Variants in RABGAP1 observed in about 807,000 individuals in gnomAD.
RABGAP1 encodes rab GTPase-activating protein 1.
A neutral mutation model predicts 137.6 loss-of-function variants in RABGAP1; 23 were observed. That is an observed-to-expected ratio of 0.17 (90% CI 0.12 to 0.24). The LOEUF is 0.24. RABGAP1 is among the 10% of genes least tolerant of loss of function. The probability of loss-of-function intolerance (pLI) is 1.00; values close to 1 mark genes in which losing one functional copy is unlikely to be tolerated. For synonymous variants in RABGAP1, 451 were observed against 450.7 expected (o/e 1.00, Z -0.01); for missense variants, 906 against 1,275.8 (o/e 0.71, Z 4.42).
intron 13 of RABGAP1, chr9:123,029,727 CT>C (rs1306148774): frequency 1.6e-6 from 1 of 642,020 alleles, no homozygotes; most frequent in Non-Finnish European, 3.0e-6. Flanking sequence ...CAGTGTCTGT[CT>C]TCTTCTTGTA....
At chr9:123,065,523 A>G (rs779689756) in intron 14 of RABGAP1, 62 bp downstream of exon 14, 7 of 1,181,304 alleles carry the variant, frequency 5.9e-6, no homozygotes, top group East Asian at 2.3e-5. Flanking sequence ...TTGAAATTAC[A>G]TAAGAAACAA....
chr9:123,088,887 T>C (rs908458666), intron 19 of RABGAP1, among the ~76,000 whole-genome samples: 4 of 152,130 alleles, frequency 2.6e-5, no homozygotes, highest in African/African-American at 9.7e-5. Context: ...CAGGGAGTTT[T>C]GAAGTTTAGT....
chr9:123,035,282 C>T, intron 13 of RABGAP1: 1 of 1,614,156 alleles, frequency 6.2e-7, no homozygotes, highest in Non-Finnish European at 8.5e-7. Flanking sequence ...AGTGGGGAGA[C>T]TGGGGAAGTG....
At chr9:122,936,130 G>A (rs894774842), upstream of RABGAP1, among the ~76,000 whole-genome samples, 5 of 152,022 alleles carry the variant, frequency 3.3e-5, no homozygotes, top group African/African-American at 9.7e-5. Context: ...TTTCCTATCA[G>A]GAGTCTGATA....
At chr9:123,066,278 C>G (rs2034168637) in intron 14 of RABGAP1, among the ~76,000 whole-genome samples, 1 of 152,180 alleles carries the variant, frequency 6.6e-6, no homozygotes, top group Non-Finnish European at 1.5e-5. Flanking sequence ...TTCATTTTAA[C>G]TTTTACATAG....
At chr9:123,035,124 C>T (rs1237429130) in intron 13 of RABGAP1, 2 of 1,613,994 alleles carry the variant, frequency 1.2e-6, no homozygotes, top group Admixed American at 3.3e-5. Context: ...AGTCCTGGCA[C>T]ACCGACTCCT....
intron 1 of RABGAP1, among the ~76,000 whole-genome samples, chr9:122,956,463 A>T (rs2131620401): frequency 6.6e-6 from 1 of 152,302 alleles, no homozygotes; most frequent in South Asian, 2.1e-4. Flanking sequence ...ATCCTGGCTA[A>T]CACGGTGAAA....
At chr9:123,021,330 CTT>C (rs397944903) in intron 13 of RABGAP1, among the ~76,000 whole-genome samples, 15 of 111,912 alleles carry the variant, frequency 1.3e-4, no homozygotes, top group Non-Finnish European at 2.6e-4. Context: ...GAAGAGCAGG[CTT>C]TTTTTTTTTT....
intron 2 of RABGAP1, among the ~76,000 whole-genome samples, chr9:122,974,809 G>T (rs1455671942): frequency 6.6e-6 from 1 of 152,010 alleles, no homozygotes; most frequent in Admixed American, 6.6e-5. Flanking sequence ...ACTTTATGTT[G>T]TTTGGTTCTT....
intron 13 of RABGAP1, among the ~76,000 whole-genome samples, chr9:123,030,685 C>G (rs996912998): frequency 6.6e-6 from 1 of 152,096 alleles, no homozygotes; most frequent in South Asian, 2.1e-4. Flanking sequence ...TATCATTTCT[C>G]TGTGTTGGGA....
chr9:122,952,228 G>A lies in RABGAP1; in HGVS notation c.-49-4783G>A, dbSNP rs185015301. ...TGCCTGTAATCCCAGCACTTTGGGT[G>A]GCTGAGAATTTTTTTTTAAATTTTT... On this transcript the variant is annotated intron_variant, in intron 1 of 25. Transcript: ENST00000373647. Among the ~76,000 whole-genome samples, 32 of 152,016 alleles carry A rather than the reference G, an allele frequency of 2.1e-4. No individual in the cohort carries two copies. In the East Asian group the frequency reaches 6.2e-3, roughly 29 times the overall value.
At chr9:122,949,019 A>G (rs944810051) in intron 1 of RABGAP1, among the ~76,000 whole-genome samples, 3 of 152,204 alleles carry the variant, frequency 2.0e-5, no homozygotes, top group Admixed American at 6.5e-5. Context: ...AGCATTTGAC[A>G]TGGTGGTTTA....
At chr9:123,051,528 T>G (rs1187618704) in intron 13 of RABGAP1, among the ~76,000 whole-genome samples, 1 of 151,874 alleles carries the variant, frequency 6.6e-6, no homozygotes, top group East Asian at 1.9e-4. Context: ...ATTACAGGCA[T>G]GAGCCACCAC....
rs148741999 is a variant in RABGAP1, at chr9:123,019,542, T to G, written c.1644-767T>G. 1.2e-4 allele frequency among the ~76,000 whole-genome samples: 19 copies of G among 152,286 alleles called. No homozygotes were observed. The East Asian group carries it at 3.7e-3, about 29-fold the overall frequency. On this transcript the variant is annotated intron_variant, in intron 12 of 25. Coordinates refer to ENST00000373647, the MANE Select transcript of RABGAP1 (RefSeq NM_012197.4). Reference sequence around the variant, plus strand: ...ATTACCTAGGCTGGTCCAGAACTCCTGGGTTCAAGAAATCTTCCCACCTTG... The same window carrying G: ...ATTACCTAGGCTGGTCCAGAACTCCGGGGTTCAAGAAATCTTCCCACCTTG...
At chr9:123,061,256 C>T (rs569183768) in intron 13 of RABGAP1, among the ~76,000 whole-genome samples, 1 of 152,220 alleles carries the variant, frequency 6.6e-6, no homozygotes, top group South Asian at 2.1e-4. Flanking sequence ...ATAGCTAAGA[C>T]AGGTGTATGC....
chr9:123,064,203 C>T (rs1400648132), intron 13 of RABGAP1, among the ~76,000 whole-genome samples: 1 of 152,196 alleles, frequency 6.6e-6, no homozygotes, highest in Admixed American at 6.5e-5. Context: ...AGTCATAGAT[C>T]TCCCTTGGAT....
At chr9:123,091,666 C>T (rs958006707) in intron 21 of RABGAP1, among the ~76,000 whole-genome samples, 14 of 151,772 alleles carry the variant, frequency 9.2e-5, no homozygotes, top group African/African-American at 3.4e-4. Flanking sequence ...TTGTTAGCGC[C>T]CTCTGCTTGT....
chr9:123,026,932 A>G (rs2032003501), intron 13 of RABGAP1, among the ~76,000 whole-genome samples: 1 of 152,164 alleles, frequency 6.6e-6, no homozygotes, highest in Non-Finnish European at 1.5e-5. Context: ...ATAGCAACCT[A>G]TTCTGATGTT....
intron 18 of RABGAP1, 90 bp downstream of exon 18, chr9:123,076,376 G>A: frequency 1.4e-6 from 2 of 1,423,502 alleles, no homozygotes; most frequent in Admixed American, 1.9e-5. Flanking sequence ...AGCAGTCACT[G>A]TGCACTAGCA....
Sources: gnomAD v4.1 joint callset for allele counts (sites outside exome capture counted in the v4.1 genomes callset) on GRCh38, gnomAD v4.1.1 for gene constraint, MANE v1.5 for transcripts, NCBI Gene and HGNC (gene_info 2026-07-23, HGNC 2026-07-21) for gene names.